The following MACROD2 variants were observed in gnomAD, a reference collection of about 807,000 sequenced individuals.
MACROD2 encodes the protein ADP-ribose glycohydrolase MACROD2.
A neutral mutation model predicts 70.4 loss-of-function variants in MACROD2; 36 were observed. That is an observed-to-expected ratio of 0.51 (90% CI 0.39 to 0.68). The LOEUF is 0.68. Among genes scored for constraint, MACROD2 ranks in the 30% least tolerant of loss-of-function variants. The probability of loss-of-function intolerance (pLI) is 0.00; values close to 1 mark genes in which losing one functional copy is unlikely to be tolerated. For missense variants in MACROD2, 496 were observed against 538.4 expected (o/e 0.92, Z 0.78); for synonymous variants, 172 against 178.8 (o/e 0.96, Z 0.30).
intron 5 of MACROD2, among the ~76,000 whole-genome samples, chr20:15,036,304 A>G (rs935075655): frequency 5.3e-5 from 8 of 152,180 alleles, no homozygotes; most frequent in Non-Finnish European, 1.2e-4. Flanking sequence ...TCGATAATCC[A>G]TAATTGCAGT....
intron 5 of MACROD2, among the ~76,000 whole-genome samples, chr20:15,117,809 C>T (rs1421576867): frequency 6.6e-6 from 1 of 152,118 alleles, no homozygotes; most frequent in Non-Finnish European, 1.5e-5. Flanking sequence ...AGACTTAATG[C>T]ACCTATCTTA....
chr20:14,270,302 G>A (rs898971394), intron 3 of MACROD2, among the ~76,000 whole-genome samples: 11 of 152,084 alleles, frequency 7.2e-5, no homozygotes, highest in African/African-American at 2.7e-4. Context: ...ATTAGACTAT[G>A]TCCTCTCAAC....
chr20:15,399,495 G>A (rs1191535789), intron 6 of MACROD2, among the ~76,000 whole-genome samples: 1 of 152,088 alleles, frequency 6.6e-6, no homozygotes, highest in Non-Finnish European at 1.5e-5. Flanking sequence ...CTGTTTCCTC[G>A]AGCATTTCCT....
At position 15,168,476 on chromosome 20, in the gene MACROD2, T is replaced by TGTGTGTGTGTGC. The variant is rs2076401344; in HGVS notation, c.419-61453_419-61452insCGTGTGTGTGTG. On this transcript the variant is annotated intron_variant, in intron 5 of 17. Transcript: ENST00000684519. ...GTGTGTGTGTGTGTGTGTGTGTGTGTGTGTGTGTGTGTGTTGACATGAATT... is the reference window on the plus strand; with the variant it reads ...GTGTGTGTGTGTGTGTGTGTGTGTGTGTGTGTGTGTGCGTGTGTGTGTGTGTTGACATGAATT... 4.0e-5 allele frequency among the ~76,000 whole-genome samples: 6 copies of TGTGTGTGTGTGC among 151,470 alleles called. No individual in the cohort carries two copies. The South Asian group carries it at 1.3e-3, about 32-fold the overall frequency.
intron 4 of MACROD2, among the ~76,000 whole-genome samples, chr20:14,530,678 TAC>T (rs906277454): frequency 6.6e-6 from 1 of 152,228 alleles, no homozygotes; most frequent in African/African-American, 2.4e-5. Context: ...ATTTTAATGT[TAC>T]AGAGTTGGTT....
chr20:15,823,275 CGTGTGTGTGTGTGT>C (rs11471023), intron 8 of MACROD2, among the ~76,000 whole-genome samples: 243 of 128,740 alleles, frequency 1.9e-3, no homozygotes, highest in African/African-American at 7.0e-3. Context: ...GTGAGCTCTT[CGTGTGTGTGTGTGT>C]GTGTGTGTGT....
chr20:15,329,626 T>C (rs2077970439), intron 6 of MACROD2, among the ~76,000 whole-genome samples: 1 of 151,916 alleles, frequency 6.6e-6, no homozygotes, highest in African/African-American at 2.4e-5. Context: ...AAAATGAAAA[T>C]ACAATATTTT....
chr20:15,919,390 A>C (rs1048616628), intron 10 of MACROD2, among the ~76,000 whole-genome samples: 1 of 152,192 alleles, frequency 6.6e-6, no homozygotes, highest in Non-Finnish European at 1.5e-5. Flanking sequence ...CAGCTACCCT[A>C]GAAAATTTTT....
chr20:14,598,344 TTATC>T (rs906942876), intron 4 of MACROD2, among the ~76,000 whole-genome samples: 4 of 152,278 alleles, frequency 2.6e-5, no homozygotes, highest in Admixed American at 6.5e-5. Context: ...CCAGAAGTAT[TTATC>T]TATCTTTCAG....
rs147928678 is a variant in MACROD2 at position 14,393,540 on chromosome 20, G to T, written c.272-99939G>T. Among the ~76,000 whole-genome samples the T allele has an allele frequency of 3.5e-3, 525 of 152,072 alleles. 9 individuals are homozygous for T. The highest frequency in any genetic ancestry group is 0.012 in the African/African-American group (503 of 41,504). On this transcript the variant is annotated intron_variant, in intron 3 of 17. Transcript: ENST00000684519. ...TGACTGTAAGCCATGCGTAATATCT[G>T]CTCTTTCAGACTCAGATCATCATCT...
chr20:15,554,269 T>C (rs1428430174), intron 8 of MACROD2, among the ~76,000 whole-genome samples: 2 of 152,034 alleles, frequency 1.3e-5, no homozygotes, highest in Non-Finnish European at 2.9e-5. Context: ...ATGGTGAAGG[T>C]GAAGAGAGAG....
chr20:14,308,589 A>T (rs1203634839), intron 3 of MACROD2, among the ~76,000 whole-genome samples: 1 of 152,172 alleles, frequency 6.6e-6, no homozygotes, highest in Non-Finnish European at 1.5e-5. Context: ...AGTTCAAAGG[A>T]AAATGACTGA....
chr20:14,955,020 A>ACAAT (rs370209753), intron 5 of MACROD2, among the ~76,000 whole-genome samples: 2 of 164 alleles, frequency 0.012, no homozygotes, highest in Non-Finnish European at 0.017. Flanking sequence ...TATATTATAT[A>ACAAT]TTATATATTT....
At chr20:14,390,956 TA>T (rs1217911843) in intron 3 of MACROD2, among the ~76,000 whole-genome samples, 1 of 151,714 alleles carries the variant, frequency 6.6e-6, no homozygotes, top group Non-Finnish European at 1.5e-5. Context: ...TGGCTATTAT[TA>T]AAAGGGCAGA....
intron 12 of MACROD2, among the ~76,000 whole-genome samples, chr20:15,938,527 T>G (rs1467037774): frequency 6.6e-6 from 1 of 152,190 alleles, no homozygotes; most frequent in Non-Finnish European, 1.5e-5. Flanking sequence ...TGTGCCCATA[T>G]AAGATAGTGG....
At chr20:14,565,827 A>G (rs1235116652) in intron 4 of MACROD2, among the ~76,000 whole-genome samples, 2 of 151,824 alleles carry the variant, frequency 1.3e-5, no homozygotes, top group Non-Finnish European at 2.9e-5. Context: ...GCAGTGTATC[A>G]TCTGGGCCCC....
At chr20:14,272,236 G>T (rs2122358778) in intron 3 of MACROD2, among the ~76,000 whole-genome samples, 1 of 152,224 alleles carries the variant, frequency 6.6e-6, no homozygotes, top group Non-Finnish European at 1.5e-5. Flanking sequence ...GTTAAAGGCA[G>T]CCAGAGAGAA....
At chr20:15,368,758 C>T (rs559628805) in intron 6 of MACROD2, among the ~76,000 whole-genome samples, 13 of 152,080 alleles carry the variant, frequency 8.5e-5, no homozygotes, top group Non-Finnish European at 1.6e-4. Context: ...CCACCACGCC[C>T]GGCCCAATCA....
At chr20:15,834,955 A>G (rs949978286) in intron 8 of MACROD2, among the ~76,000 whole-genome samples, 2 of 152,116 alleles carry the variant, frequency 1.3e-5, no homozygotes, top group Non-Finnish European at 2.9e-5. Context: ...TTTTGAGGCT[A>G]AGTTATAAAA....
Sources: gnomAD v4.1 joint callset for allele counts (sites outside exome capture counted in the v4.1 genomes callset) on GRCh38, gnomAD v4.1.1 for gene constraint, MANE v1.5 for transcripts, NCBI Gene and HGNC (gene_info 2026-07-23, HGNC 2026-07-21) for gene names.